Variants in PSMD3 observed in about 807,000 individuals in gnomAD.
The protein encoded by PSMD3 is proteasome 26S subunit, non-ATPase 3, also known as 26S proteasome non-ATPase regulatory subunit 3.
Under a neutral mutation model 62.8 loss-of-function variants are expected in PSMD3, and 5 were observed. That is an observed-to-expected ratio of 0.08 (90% CI 0.04 to 0.17). PSMD3 has a LOEUF of 0.17. Ranked by LOEUF, PSMD3 falls within the 10% of genes least tolerant of loss-of-function variation. The pLI is 1.00. For missense variants in PSMD3, 524 were observed against 713.6 expected, an observed-to-expected ratio of 0.73 and a Z score of 3.03; for synonymous variants, 265 against 283.9, an observed-to-expected ratio of 0.93 and a Z score of 0.67.
chr17:39,982,260 C>T (rs1980407626), intron 1 of PSMD3, among the ~76,000 whole-genome samples: 1 of 152,178 alleles, frequency 6.6e-6, no homozygotes, highest in South Asian at 2.1e-4. Flanking sequence ...TCAAAGGTGC[C>T]ACTCAGCATT....
Position 39,996,134 on chromosome 17 carries a change from A to AGG in PSMD3, c.1321-49_1321-48insGG. ...AGACTCCATCTCAAAAAAAAAAAAA[A>AGG]AGAAGAAGCTGGGTGTGCTGGTGAA... is the stretch of plus-strand genomic sequence containing the variant. On this transcript the variant is annotated intron_variant, in intron 9 of 11. Coordinates refer to ENST00000264639, the MANE Select transcript of PSMD3 (RefSeq NM_002809.4). The surrounding 1 kb of genome is among the most constrained non-coding windows in gnomAD (Gnocchi z 5.1). 1 of 1,594,918 alleles carries AGG rather than the reference A, an allele frequency of 6.3e-7. No homozygotes were observed. Among genetic ancestry groups the AGG allele is most frequent in the South Asian group, 1.1e-5 (1 of 89,092 alleles).
Position 39,980,881 on chromosome 17 carries a change from G to A in PSMD3, c.-90G>A. The A allele has an allele frequency of 8.5e-7, 1 of 1,182,182 alleles. No individual in the cohort carries two copies. Among genetic ancestry groups the A allele is most frequent in the South Asian group, 1.6e-5 (1 of 61,832 alleles). The allele number at this position is 1,182,182 out of a possible 1,614,324, so 73.2% of individuals were successfully genotyped here. The stretch of plus-strand genomic sequence containing the variant: ...GCCCGACGCTATCTCGCGCTCGTGT[G>A]CAGGCCCGGCTCGGCTCCTGGTCCC... On this transcript the variant is annotated 5_prime_UTR_variant, in exon 1 of 12. Coordinates refer to ENST00000264639, the MANE Select transcript of PSMD3 (RefSeq NM_002809.4).
At position 39,980,916 on chromosome 17, in the gene PSMD3, G is replaced by T; in HGVS notation, c.-55G>T. 7.0e-7 allele frequency: 1 copy of T among 1,427,810 alleles called. No individual in the cohort carries two copies. The highest frequency in any genetic ancestry group is 9.2e-7 in the Non-Finnish European group (1 of 1,084,484). The allele number at this position is 1,427,810 out of a possible 1,614,324, so 88.4% of individuals were successfully genotyped here. A position where few individuals can be genotyped will look rare whatever the true frequency, so the allele number is the denominator to read the frequency against. On this transcript the variant is annotated 5_prime_UTR_variant, in exon 1 of 12. Coordinates refer to ENST00000264639, the MANE Select transcript of PSMD3 (RefSeq NM_002809.4). ...CTCGGCTCCTGGTCCCCGGTGCGAG[G>T]GTTAACGCGAGGCCCCGGCCTCGGT...
At chr17:39,986,443 C>A (rs1980525794) in intron 2 of PSMD3, 132 bp from the exon 3 acceptor site, 2 of 1,134,300 alleles carry the variant, frequency 1.8e-6, no homozygotes, top group Admixed American at 2.1e-5. Context: ...TTTTTTATCC[C>A]TAGCACCTAA....
intron 2 of PSMD3, 128 bp from the exon 3 acceptor site, chr17:39,986,447 C>A: frequency 8.7e-7 from 1 of 1,149,534 alleles, no homozygotes. Flanking sequence ...TTATCCCTAG[C>A]ACCTAACAAA....
intron 2 of PSMD3, among the ~76,000 whole-genome samples, 200 bp from the exon 3 acceptor site, chr17:39,986,375 C>T (rs1980523826): frequency 6.6e-6 from 1 of 152,238 alleles, no homozygotes; most frequent in South Asian, 2.1e-4. Context: ...GCACTACCGG[C>T]GTGAGCCACC....
Position 39,990,081 on chromosome 17 carries a change from C to G in PSMD3, c.878-13C>G. ...CTACTCTGTTGACCAACTCTCCTCT[C>G]CTCCACTCCCAGGGCGAATCAAAGC... On this transcript the variant is annotated splice_polypyrimidine_tract_variant and intron_variant, in intron 5 of 11. Coordinates refer to ENST00000264639, the MANE Select transcript of PSMD3 (RefSeq NM_002809.4). 1 of 1,613,072 alleles carries G rather than the reference C, an allele frequency of 6.2e-7. No homozygotes were observed. Among genetic ancestry groups the G allele is most frequent in the South Asian group, 1.1e-5 (1 of 91,044 alleles).
In PSMD3 at chr17:39,995,317, G is replaced by A. The variant is rs182851904; in HGVS notation, c.1216+22G>A. Reference sequence around the variant, plus strand: ...ACAGGTGTGGATCAGGATCTGAGGGGCTGTTGGAGGAGCAGAAGCCAGGCC... The same window carrying A: ...ACAGGTGTGGATCAGGATCTGAGGGACTGTTGGAGGAGCAGAAGCCAGGCC... On this transcript the variant is annotated intron_variant, in intron 8 of 11. Transcript: ENST00000264639. This position sits in a 1 kb window ranked among gnomAD's most constrained non-coding sequence, Gnocchi z 4.1. 6.5e-5 allele frequency: 105 copies of A among 1,614,098 alleles called. No homozygotes were observed. The African/African-American group carries it at 1.2e-3, about 19-fold the overall frequency.
chr17:39,991,598 C>T (rs561064957), intron 6 of PSMD3, among the ~76,000 whole-genome samples: 1 of 152,356 alleles, frequency 6.6e-6, no homozygotes, highest in South Asian at 2.1e-4. Context: ...CCTACCTTCA[C>T]ACAACATCCA....
rs372143204 is a variant in PSMD3 at position 39,981,221 on chromosome 17, G to C, written c.220+31G>C. On this transcript the variant is annotated intron_variant, in intron 1 of 11. Coordinates refer to ENST00000264639, the MANE Select transcript of PSMD3 (RefSeq NM_002809.4). ...GCAGCCCAGGCCGGGAACGTGCCGC[G>C]ATCGCGGGTGACAGCGACCCCTGTG... 1.9e-5 allele frequency: 29 copies of C among 1,548,192 alleles called. No homozygotes were observed. In the African/African-American group the frequency reaches 3.6e-4, roughly 19 times the overall value.
intron 1 of PSMD3, among the ~76,000 whole-genome samples, chr17:39,982,832 A>G (rs1980421001): frequency 6.6e-6 from 1 of 152,238 alleles, no homozygotes; most frequent in African/African-American, 2.4e-5. Context: ...TTGCTATCAT[A>G]AATAGCTTTG....
chr17:39,990,230 T>C, intron 6 of PSMD3, 33 bp downstream of exon 6: 1 of 352,908 alleles, frequency 2.8e-6, no homozygotes, highest in Non-Finnish European at 3.8e-6. Context: ...CCTTTGCCTC[T>C]TTTTTTTTTT....
At chr17:39,984,199 CAAAAA>C (rs34306234) in intron 1 of PSMD3, 90 bp from the exon 2 acceptor site, 904 of 319,906 alleles carry the variant, frequency 2.8e-3, no homozygotes, top group East Asian at 4.8e-3. Flanking sequence ...GACTCCGTCT[CAAAAA>C]AAAAAAAAAA....
intron 2 of PSMD3, among the ~76,000 whole-genome samples, chr17:39,986,289 G>C (rs532454842): frequency 2.0e-5 from 3 of 152,040 alleles, no homozygotes; most frequent in Non-Finnish European, 4.4e-5. Context: ...GAGAGATGGG[G>C]TCTCACTGTG....
At chr17:39,994,874 C>A in intron 6 of PSMD3, 80 bp from the exon 7 acceptor site, 2 of 1,247,424 alleles carry the variant, frequency 1.6e-6, no homozygotes, top group East Asian at 2.4e-5. Context: ...CTACATCTGG[C>A]AGAATTTAGG....
chr17:39,997,245 C>G, intron 10 of PSMD3, 85 bp from the exon 11 acceptor site: 1 of 1,353,254 alleles, frequency 7.4e-7, no homozygotes, highest in East Asian at 2.3e-5. Flanking sequence ...GTCTAGCTCA[C>G]AGAGGGGACG....
chr17:39,981,220 C>T (rs1454593954), intron 1 of PSMD3, 30 bp downstream of exon 1: 4 of 1,548,376 alleles, frequency 2.6e-6, no homozygotes, highest in Non-Finnish European at 3.5e-6. Context: ...GAACGTGCCG[C>T]GATCGCGGGT....
intron 2 of PSMD3, among the ~76,000 whole-genome samples, chr17:39,985,342 C>T (rs911329886): frequency 2.0e-5 from 3 of 152,204 alleles, no homozygotes; most frequent in Admixed American, 6.5e-5. Flanking sequence ...TGCTGTGCCT[C>T]GTTTTCTTCA....
intron 2 of PSMD3, among the ~76,000 whole-genome samples, chr17:39,984,769 C>G (rs145233266): frequency 6.6e-6 from 1 of 152,296 alleles, no homozygotes; most frequent in East Asian, 1.9e-4. Flanking sequence ...TGGGTGACCT[C>G]TCTGTTGTTC....
Sources: gnomAD v4.1 joint callset for allele counts (sites outside exome capture counted in the v4.1 genomes callset) on GRCh38, gnomAD v4.1.1 for gene constraint, Gnocchi (gnomAD v3.1) non-coding constraint, MANE v1.5 for transcripts, NCBI Gene and HGNC (gene_info 2026-07-23, HGNC 2026-07-21) for gene names.